Variants in NOL6 observed in about 807,000 individuals in gnomAD.
NOL6 encodes the protein nucleolar RNA-associated protein.
In NOL6, 33 loss-of-function variants were observed where a neutral mutation model predicts 131.7. The observed-to-expected ratio is 0.25, with a 90% CI of 0.19 to 0.33. NOL6 has a LOEUF of 0.33. Among genes scored for constraint, NOL6 ranks in the 10% least tolerant of loss-of-function variants. NOL6 has a pLI of 1.00. For missense variants in NOL6, 1,297 were observed against 1,494.5 expected, an observed-to-expected ratio of 0.87 and a Z score of 2.18; for synonymous variants, 580 against 605.7, an observed-to-expected ratio of 0.96 and a Z score of 0.62.
In NOL6 at chr9:33,462,063, CT is replaced by C; in HGVS notation, c.*600del. On this transcript the variant is annotated 3_prime_UTR_variant, in exon 26 of 26. Transcript: ENST00000297990. ...ACCCAATCCTTTCCTGTCCTCGGTT[CT>C]TTTCCACTGTCTCCACCCTGGGAAG... 2.8e-6 allele frequency: 2 copies of C among 704,064 alleles called. No homozygotes were observed. The highest frequency in any genetic ancestry group is 2.7e-6 in the Non-Finnish European group (1 of 375,580). 43.6% of individuals were successfully genotyped at this position (704,064 alleles called of 1,614,324 possible).
chr9:33,473,847 C>CA lies in NOL6; in HGVS notation c.-6dup. 6.2e-7 allele frequency: 1 copy of CA among 1,610,400 alleles called. No homozygotes were observed. Among genetic ancestry groups the CA allele is most frequent in the Non-Finnish European group, 8.5e-7 (1 of 1,180,042 alleles). ...TCCAGCTGGCGCCGGCCCCATCACT[C>CA]AGGGTCCAGCACTCTCCCGCACTTC... On this transcript the variant is annotated 5_prime_UTR_variant, in exon 1 of 26. Transcript: ENST00000297990.
In NOL6 at chr9:33,468,436, G is replaced by C. The variant is rs150038489; in HGVS notation, c.1207-14C>G. The C allele has an allele frequency of 2.4e-5, 38 of 1,614,036 alleles. No homozygotes were observed. The African/African-American group carries it at 4.7e-4, about 20-fold the overall frequency. The stretch of plus-strand genomic sequence containing the variant: ...AGCCAGGGCCGGCTTGGGGGGTGTA[G>C]AGAGAAGCAGGTCAGGATTGGCACC... On this transcript the variant is annotated splice_polypyrimidine_tract_variant and intron_variant, in intron 9 of 25. Coordinates refer to ENST00000297990, the MANE Select transcript of NOL6 (RefSeq NM_022917.5).
chr9:33,462,449 C>T lies in NOL6; in HGVS notation c.*215G>A, dbSNP rs1166574821. ...ACTCCTCTTCTGGGATGGTGAGGCC[C>T]AGGAGACTACATGGGCCACCATGCC... is the stretch of plus-strand genomic sequence containing the variant. On this transcript the variant is annotated 3_prime_UTR_variant, in exon 26 of 26. Transcript: ENST00000297990. 5 of 620,968 alleles carry T rather than the reference C, an allele frequency of 8.1e-6. No homozygotes were observed. Among genetic ancestry groups the T allele is most frequent in the East Asian group, 5.5e-5 (2 of 36,550 alleles). 38.5% of individuals were successfully genotyped at this position (620,968 alleles called of 1,614,324 possible). A position where few individuals can be genotyped will look rare whatever the true frequency, so the allele number is the denominator to read the frequency against.
intron 20 of NOL6, 97 bp from the exon 21 acceptor site, chr9:33,465,073 A>G: frequency 6.9e-7 from 1 of 1,439,752 alleles, no homozygotes; most frequent in Non-Finnish European, 9.6e-7. Context: ...GTGGATTGGC[A>G]GGGCAGGGCA....
At chr9:33,464,283 C>A in intron 21 of NOL6, 122 bp from the exon 22 acceptor site, 3 of 1,182,810 alleles carry the variant, frequency 2.5e-6, no homozygotes, top group Non-Finnish European at 3.5e-6. Context: ...AACACTCCCC[C>A]CCACCAAGTG....
Position 33,470,458 on chromosome 9 carries a change from C to T in NOL6, c.379-267G>A, listed in dbSNP as rs1227258825. On this transcript the variant is annotated intron_variant, in intron 3 of 25. Transcript: ENST00000297990. ...CTGTAATCCCAGCACTTTGGGAGGC[C>T]GAGGTGGGCGGATCACGAGGTCAGA... 1.8e-5 allele frequency: 4 copies of T among 218,404 alleles called. No homozygotes were observed. The South Asian group carries it at 4.9e-4, about 27-fold the overall frequency. The allele number at this position is 218,404 out of a possible 1,614,324, so 13.5% of individuals were successfully genotyped here.
rs769051140 is a variant in NOL6, at chr9:33,462,988, C to A, written c.3291+45G>T. ...CACAGACATGCATGCCCACACAGAA[C>A]CACGTGCACACACTCAGGAACACAG... is the stretch of plus-strand genomic sequence containing the variant. On this transcript the variant is annotated intron_variant, in intron 25 of 25. Transcript: ENST00000297990. 3.8e-6 allele frequency: 6 copies of A among 1,580,766 alleles called. No homozygotes were observed. The South Asian group carries it at 4.5e-5, about 12-fold the overall frequency.
chr9:33,473,862 T>C lies in NOL6; in HGVS notation c.-20A>G, dbSNP rs777086364. 6 of 1,594,364 alleles carry C rather than the reference T, an allele frequency of 3.8e-6. No individual in the cohort carries two copies. In the East Asian group the frequency reaches 1.3e-4, roughly 36 times the overall value. On this transcript the variant is annotated 5_prime_UTR_variant, in exon 1 of 26. Transcript: ENST00000297990. ...CCCCATCACTCAGGGTCCAGCACTC[T>C]CCCGCACTTCAGATTCTAGCCGGGT... is the stretch of plus-strand genomic sequence containing the variant.
In NOL6 at chr9:33,469,599, G is replaced by C; in HGVS notation, c.627C>G (p.His209Gln). ...YFRKRALYLA[H>Q]LAHHLAQDPL... ...GGTCCTGGGCCAGGTGGTGAGCCAAGTGGGCCAGGTAGAGGGCACGCTTGC... is the reference window on the plus strand; with the variant it reads ...GGTCCTGGGCCAGGTGGTGAGCCAACTGGGCCAGGTAGAGGGCACGCTTGC... Residue 209 changes from histidine to glutamine, a missense_variant, in exon 5 of 26, where the codon CAC (histidine) becomes CAG (glutamine). His to Gln is a conservative substitution (Grantham distance 24). Transcript: ENST00000297990. The C allele has an allele frequency of 1.2e-6, 2 of 1,610,650 alleles. No homozygotes were observed. The highest frequency in any genetic ancestry group is 1.7e-6 in the Non-Finnish European group (2 of 1,179,068).
At chr9:33,463,479 T>C (rs1360600935) in intron 23 of NOL6, 38 bp from the exon 24 acceptor site, 2 of 1,551,426 alleles carry the variant, frequency 1.3e-6, no homozygotes, top group East Asian at 4.6e-5. Context: ...CAGGACCCCC[T>C]TGACTGAGGA....
rs1827323198 is a variant in NOL6 at position 33,468,778 on chromosome 9, A to G, written c.1121T>C (p.Val374Ala). The change falls in exon 8 of 26, where the codon GTC (valine) becomes GCC (alanine). Residue 374 changes from valine to alanine, a missense_variant. Physicochemically the swap from Val to Ala is moderately conservative, Grantham distance 64. Transcript: ENST00000297990. Reference sequence around the variant, plus strand: ...CAGAAACTGCAAGACACTTCTCAGGACCTGGTAGCCACTCATGGTGGTATG... The same window carrying G: ...CAGAAACTGCAAGACACTTCTCAGGGCCTGGTAGCCACTCATGGTGGTATG... ...KIHTTMSGYQ[V>A]LRSVLQFLAT... is the part of the protein sequence containing the mutation. 6.2e-7 allele frequency: 1 copy of G among 1,614,074 alleles called. No homozygotes were observed. The highest frequency in any genetic ancestry group is 1.3e-5 in the African/African-American group (1 of 74,926).
In NOL6 at chr9:33,469,671, G is replaced by C. The variant is rs766988570; in HGVS notation, c.559-4C>G. 6.2e-7 allele frequency: 1 copy of C among 1,609,460 alleles called. No individual in the cohort carries two copies. Among genetic ancestry groups the C allele is most frequent in the Non-Finnish European group, 8.5e-7 (1 of 1,178,736 alleles). On this transcript the variant is annotated splice_polypyrimidine_tract_variant and splice_region_variant and intron_variant, in intron 4 of 25. Transcript: ENST00000297990. ...CGTCCTTGTCCTGTAGGATTTCCTG[G>C]AGGGGCCAGGGGAGAAGAGAAGGCC...
intron 19 of NOL6, 30 bp downstream of exon 19, chr9:33,465,704 G>A: frequency 1.2e-6 from 2 of 1,600,698 alleles, no homozygotes; most frequent in Non-Finnish European, 1.7e-6. Flanking sequence ...GGGGCCTACA[G>A]ACAGGAAGAA....
At chr9:33,462,956 G>T in intron 25 of NOL6, 77 bp downstream of exon 25, 1 of 1,539,164 alleles carries the variant, frequency 6.5e-7, no homozygotes, top group Non-Finnish European at 8.9e-7. Flanking sequence ...CCATAGGACA[G>T]ACTACACACA....
chr9:33,473,014 T>G lies in NOL6; in HGVS notation c.55-602A>C, dbSNP rs76480504. Among the ~76,000 whole-genome samples, 36 of 149,872 alleles carry G rather than the reference T, an allele frequency of 2.4e-4. 1 individual carries two copies. The East Asian group carries it at 7.0e-3, about 29-fold the overall frequency. On this transcript the variant is annotated intron_variant, in intron 1 of 25. Coordinates refer to ENST00000297990, the MANE Select transcript of NOL6 (RefSeq NM_022917.5). ...GAAGCTGACTGAGCCCTGCCCTAAG[T>G]AATGCCCAGGCCCCTTGTATTTTCA...
chr9:33,471,938 C>T (rs776085558), intron 3 of NOL6, 66 bp downstream of exon 3: 348 of 1,105,526 alleles, frequency 3.1e-4, no homozygotes, highest in Admixed American at 5.6e-4. Flanking sequence ...CAGCAAGGCC[C>T]CTGTTTGATA....
At chr9:33,465,970 C>T (rs1046550071) in intron 18 of NOL6, 73 bp from the exon 19 acceptor site, 7 of 1,577,122 alleles carry the variant, frequency 4.4e-6, no homozygotes, top group Non-Finnish European at 6.0e-6. Flanking sequence ...GGCCTACAGC[C>T]CTATTACCCA....
At position 33,467,841 on chromosome 9, in the gene NOL6, T is replaced by A. The variant is rs764189502; in HGVS notation, c.1452A>T (p.Ala484=). 8 of 1,596,284 alleles carry A rather than the reference T, an allele frequency of 5.0e-6. No individual in the cohort carries two copies. Among genetic ancestry groups the A allele is most frequent in the Admixed American group, 3.5e-5 (2 of 57,734 alleles). Reference sequence around the variant, plus strand: ...GCCAGAGCTTCAGCCGGTGGCACGCTGCCTGCAGGCGACTCAGTGGACGGA... The same window carrying A: ...GCCAGAGCTTCAGCCGGTGGCACGCAGCCTGCAGGCGACTCAGTGGACGGA... The part of the protein sequence containing the change: ...LHLRPLSRLQ[A]ACHRLKLWPE... Residue 484 remains alanine (A), a synonymous_variant, in exon 12 of 26, where the codon GCA becomes GCT. Transcript: ENST00000297990. The surrounding 1 kb of genome is among the most constrained non-coding windows in gnomAD (Gnocchi z 4.4).
rs1264575670 is a variant in NOL6 at position 33,467,161 on chromosome 9, G to T, written c.1827C>A (p.Ser609=). ...CCTGGTGGGGAATAAGGCGCTTCTG[G>T]GACATAGAGGCTGCCTCCCAGACCA... ...EAVVWEAASM[S]QKRLIPHQVV... The change falls in exon 14 of 26, where the codon TCC becomes TCA. Residue 609 remains serine, a synonymous_variant. Transcript: ENST00000297990. The surrounding 1 kb of genome is among the most constrained non-coding windows in gnomAD (Gnocchi z 4.4). 6.2e-7 allele frequency: 1 copy of T among 1,614,050 alleles called. No individual in the cohort carries two copies. Among genetic ancestry groups the T allele is most frequent in the East Asian group, 2.2e-5 (1 of 44,886 alleles).
Sources: gnomAD v4.1 joint callset for allele counts (sites outside exome capture counted in the v4.1 genomes callset) on GRCh38, gnomAD v4.1.1 for gene constraint, Gnocchi (gnomAD v3.1) non-coding constraint, MANE v1.5 for transcripts, NCBI Gene and HGNC (gene_info 2026-07-23, HGNC 2026-07-21) for gene names.